The following CSGALNACT1 variants were observed in gnomAD, a reference collection of about 807,000 sequenced individuals.
CSGALNACT1 encodes beta4GalNAcT-1.
CSGALNACT1 carries 52 observed loss-of-function variants against 51.0 expected under a neutral mutation model. The observed-to-expected ratio is 1.02, with a 90% CI of 0.82 to 1.29. CSGALNACT1 has a LOEUF of 1.29. Among genes scored for constraint, CSGALNACT1 ranks in the 50% most tolerant of loss-of-function variants. The probability of loss-of-function intolerance (pLI) is 0.00; values close to 1 mark genes in which losing one functional copy is unlikely to be tolerated. For synonymous variants in CSGALNACT1, 341 were observed against 254.4 expected, an observed-to-expected ratio of 1.34 and a Z score of -3.24; for missense variants, 935 against 679.2, an observed-to-expected ratio of 1.38 and a Z score of -4.19.
At position 19,526,464 on chromosome 8, in the gene CSGALNACT1, T is replaced by C. The variant is rs2081728717; in HGVS notation, c.-296-20334A>G. On this transcript the variant is annotated intron_variant, in intron 3 of 9. Transcript: ENST00000454498. The stretch of plus-strand genomic sequence containing the variant: ...TGGGCATGGTGGTACGCGCCTGTAG[T>C]GCCAGCTACTCGGGAGACCGAGGCA... Among the ~76,000 whole-genome samples, 8 of 152,176 alleles carry C rather than the reference T, an allele frequency of 5.3e-5. No homozygotes were observed. In the South Asian group the frequency reaches 1.7e-3, roughly 32 times the overall value.
At chr8:19,672,834 A>G (rs1322745137) in intron 1 of CSGALNACT1, among the ~76,000 whole-genome samples, 1 of 152,232 alleles carries the variant, frequency 6.6e-6, no homozygotes, top group African/African-American at 2.4e-5. Flanking sequence ...CTGCACTCAA[A>G]AAATAAAAAT....
intron 1 of CSGALNACT1, among the ~76,000 whole-genome samples, chr8:19,725,667 C>CGTGGG (rs2063359343): frequency 6.6e-6 from 1 of 152,090 alleles, no homozygotes; most frequent in African/African-American, 2.4e-5. Context: ...TCGTGATCCA[C>CGTGGG]ATGACTCAGC....
chr8:19,510,632 C>T (rs1460685191), intron 3 of CSGALNACT1, among the ~76,000 whole-genome samples: 2 of 152,138 alleles, frequency 1.3e-5, no homozygotes, highest in Admixed American at 1.3e-4. Flanking sequence ...AGACAAATAC[C>T]ATTAAAATAG....
At chr8:19,550,174 AG>A (rs1254464952) in intron 3 of CSGALNACT1, among the ~76,000 whole-genome samples, 1 of 152,126 alleles carries the variant, frequency 6.6e-6, no homozygotes, top group Non-Finnish European at 1.5e-5. Context: ...TTTTAAGCGA[AG>A]GAGTCTTGTT....
intron 4 of CSGALNACT1, among the ~76,000 whole-genome samples, chr8:19,461,439 A>C: frequency 6.6e-6 from 1 of 151,860 alleles, no homozygotes; most frequent in East Asian, 1.9e-4. Flanking sequence ...ACCCATATTC[A>C]CTATGCAGGG....
chr8:19,546,584 G>T (rs911953504), intron 3 of CSGALNACT1, among the ~76,000 whole-genome samples: 1 of 152,132 alleles, frequency 6.6e-6, no homozygotes, highest in African/African-American at 2.4e-5. Context: ...TAAATACTTG[G>T]AATACCATCT....
intron 1 of CSGALNACT1, among the ~76,000 whole-genome samples, chr8:19,748,763 A>G (rs28660470): frequency 0.17 from 26,594 of 152,026 alleles, 2,407 homozygotes; most frequent in Middle Eastern, 0.32. Context: ...TCAGGAGTTC[A>G]AGACCAACCT....
chr8:19,666,941 GAA>G (rs1174113108), intron 1 of CSGALNACT1, among the ~76,000 whole-genome samples: 2 of 114,492 alleles, frequency 1.7e-5, no homozygotes, highest in Non-Finnish European at 3.6e-5. Flanking sequence ...GAGAGAGAGA[GAA>G]AAAGAAAGAA....
At chr8:19,648,639 C>G (rs2057494308) in intron 1 of CSGALNACT1, among the ~76,000 whole-genome samples, 2 of 152,134 alleles carry the variant, frequency 1.3e-5, no homozygotes, top group African/African-American at 4.8e-5. Flanking sequence ...GAAACCCCGT[C>G]TCTACAAAAA....
chr8:19,666,899 G>A (rs2059301983), intron 1 of CSGALNACT1, among the ~76,000 whole-genome samples: 1 of 133,606 alleles, frequency 7.5e-6, no homozygotes, highest in Non-Finnish European at 1.6e-5. Flanking sequence ...GAGAGGAAGT[G>A]AGGAAGGGAG....
chr8:19,547,319 A>G (rs1199520653), intron 3 of CSGALNACT1, among the ~76,000 whole-genome samples: 3 of 152,180 alleles, frequency 2.0e-5, no homozygotes, highest in Non-Finnish European at 2.9e-5. Context: ...ATCAGAATGC[A>G]TTTCAGTGTT....
At chr8:19,477,700 A>G (rs1293154718) in intron 4 of CSGALNACT1, among the ~76,000 whole-genome samples, 1 of 152,214 alleles carries the variant, frequency 6.6e-6, no homozygotes, top group Non-Finnish European at 1.5e-5. Flanking sequence ...CAAGGTGCTT[A>G]ACCTTTCTTT....
intron 3 of CSGALNACT1, chr8:19,531,721 A>G (rs1411325849): frequency 2.6e-5 from 4 of 152,246 alleles, no homozygotes; most frequent in Non-Finnish European, 4.4e-5. Flanking sequence ...CGGTGGAACA[A>G]AAGAACTTTG....
chr8:19,542,580 CAA>C (rs1218008889), intron 3 of CSGALNACT1, among the ~76,000 whole-genome samples: 6 of 152,074 alleles, frequency 3.9e-5, no homozygotes, highest in Admixed American at 6.6e-5. Context: ...GTTACCAAAA[CAA>C]GAGATGATGA....
intron 1 of CSGALNACT1, among the ~76,000 whole-genome samples, chr8:19,631,261 G>GA (rs748955489): frequency 4.9e-4 from 73 of 147,880 alleles, no homozygotes; most frequent in East Asian, 3.7e-3. Flanking sequence ...TTTAGCTTTG[G>GA]AAAAAAAAAA....
chr8:19,515,336 T>C (rs2079312252), intron 3 of CSGALNACT1, among the ~76,000 whole-genome samples: 1 of 152,192 alleles, frequency 6.6e-6, no homozygotes, highest in Non-Finnish European at 1.5e-5. Flanking sequence ...AGATGCTCCT[T>C]GAGTCTTCCC....
chr8:19,688,661 AATAG>A (rs1248771993), intron 1 of CSGALNACT1: 4 of 152,232 alleles, frequency 2.6e-5, no homozygotes, highest in African/African-American at 9.7e-5. Context: ...AAGCTGATAA[AATAG>A]ATAGGAATAT....
intron 1 of CSGALNACT1, among the ~76,000 whole-genome samples, chr8:19,752,074 T>TATG (rs1554475612): frequency 4.4e-5 from 3 of 67,520 alleles, no homozygotes; most frequent in Non-Finnish European, 8.4e-5. Flanking sequence ...TTTTATATGA[T>TATG]ATGATGATGA....
rs948463496 is a variant in CSGALNACT1 at position 19,735,075 on chromosome 8, A to G, written c.-297+22775T>C. Among the ~76,000 whole-genome samples, 6 of 152,182 alleles carry G rather than the reference A, an allele frequency of 3.9e-5. No homozygotes were observed. The East Asian group carries it at 1.2e-3, about 29-fold the overall frequency. On this transcript the variant is annotated intron_variant, in intron 1 of 1. Transcript: ENST00000517494. The stretch of plus-strand genomic sequence containing the variant: ...GGGCATATGCTGGGGCCAGAGTGCC[A>G]GAAGAGATCCCATGCACAGAACTGA...
Sources: allele counts gnomAD v4.1 joint callset (sites outside exome capture counted in the v4.1 genomes callset), GRCh38; gene constraint gnomAD v4.1.1; transcripts MANE v1.5; gene names NCBI Gene and HGNC (gene_info 2026-07-23, HGNC 2026-07-21).